The following STAB2 variants were observed in gnomAD, a reference collection of about 807,000 sequenced individuals.
STAB2 encodes stabilin 2, also known as stabilin-2.
Under a neutral mutation model 338.1 loss-of-function variants are expected in STAB2, and 288 were observed. The ratio of observed to expected loss-of-function variants is 0.85; its 90% CI spans 0.77 to 0.94. STAB2 has a LOEUF of 0.94. STAB2 is among the 40% of genes least tolerant of loss of function. The probability of loss-of-function intolerance (pLI) is 0.00; values close to 1 mark genes in which losing one functional copy is unlikely to be tolerated. For synonymous variants in STAB2, 1,202 were observed against 1,193.3 expected (o/e 1.01, Z -0.15); for missense variants, 3,141 against 3,210.1 (o/e 0.98, Z 0.52).
chr12:103,695,994 C>A, intron 33 of STAB2, 150 bp downstream of exon 33: 1 of 747,304 alleles, frequency 1.3e-6, no homozygotes, highest in Non-Finnish European at 2.2e-6. Flanking sequence ...CTCTCTCATA[C>A]ACAAACATCC....
At chr12:103,589,631 GGCCA>G in intron 1 of STAB2, among the ~76,000 whole-genome samples, 1 of 152,076 alleles carries the variant, frequency 6.6e-6, no homozygotes, top group East Asian at 1.9e-4. Flanking sequence ...TGCTCCACTG[GGCCA>G]GCCACAGGAA....
chr12:103,752,737 A>G (rs2139192995), intron 60 of STAB2, among the ~76,000 whole-genome samples: 1 of 152,322 alleles, frequency 6.6e-6, no homozygotes, highest in South Asian at 2.1e-4. Flanking sequence ...AAATTTTATA[A>G]TTTTGGGATA....
chr12:103,704,551 T>C lies in STAB2; in HGVS notation c.3844-7T>C, dbSNP rs779518318. The C allele has an allele frequency of 1.2e-6, 2 of 1,612,688 alleles. No individual in the cohort carries two copies. Among genetic ancestry groups the C allele is most frequent in the Non-Finnish European group, 1.7e-6 (2 of 1,179,560 alleles). The stretch of plus-strand genomic sequence containing the variant: ...AATTACATTGATTGCTTTTGTGTTT[T>C]ACCAAGGGAAGATGTAGGACATGCT... On this transcript the variant is annotated splice_region_variant and splice_polypyrimidine_tract_variant and intron_variant, in intron 35 of 68. Transcript: ENST00000388887.
At chr12:103,644,708 T>C (rs547187860) in intron 9 of STAB2, among the ~76,000 whole-genome samples, 99 of 152,214 alleles carry the variant, frequency 6.5e-4, no homozygotes, top group African/African-American at 2.3e-3. Context: ...ACAAAAAATA[T>C]AAACAGATAG....
At chr12:103,668,926 C>A in intron 20 of STAB2, 197 bp downstream of exon 20, 6 of 560,740 alleles carry the variant, frequency 1.1e-5, no homozygotes, top group Non-Finnish European at 1.9e-5. Context: ...CCCATGGTTC[C>A]CTACCCTCTT....
At chr12:103,761,212 G>A (rs1337959854) in intron 65 of STAB2, 88 bp from the exon 66 acceptor site, 25 of 1,230,232 alleles carry the variant, frequency 2.0e-5, no homozygotes, top group Non-Finnish European at 2.8e-5. Context: ...ATGGGCTCAG[G>A]GGCCTTGGGA....
Position 103,594,510 on chromosome 12 carries a change from G to T in STAB2, c.331G>T (p.Glu111Ter), listed in dbSNP as rs756952527. The T allele has an allele frequency of 6.2e-7, 1 of 1,610,370 alleles. No homozygotes were observed. Among genetic ancestry groups the T allele is most frequent in the Non-Finnish European group, 8.5e-7 (1 of 1,176,754 alleles). Residue 111 changes from glutamate to a stop codon, truncating the protein, a stop_gained and splice_region_variant, in exon 3 of 69, where the codon GAG becomes TAG. Coordinates refer to ENST00000388887, the MANE Select transcript of STAB2 (RefSeq NM_017564.10). LOFTEE classifies it high-confidence loss of function. ...CPGRWGPDCI[E>*]CPGGAGSPCN... ...TGGCCGCTGGGGCCCAGACTGTATA[G>T]GTAAGTGGCACAATGCTTGGACTTT... is the stretch of plus-strand genomic sequence containing the variant.
chr12:103,736,244 C>G (rs1190461497), intron 52 of STAB2, among the ~76,000 whole-genome samples: 1 of 152,124 alleles, frequency 6.6e-6, no homozygotes, highest in Non-Finnish European at 1.5e-5. Flanking sequence ...ACGGTTCAAG[C>G]CTCTAAGGTC....
At chr12:103,621,998 G>T (rs1047768984) in intron 4 of STAB2, 44 bp from the exon 5 acceptor site, 2 of 1,600,592 alleles carry the variant, frequency 1.2e-6, no homozygotes, top group Non-Finnish European at 1.7e-6. Context: ...TTGGTACCAT[G>T]GGTCACCTTG....
intron 68 of STAB2, among the ~76,000 whole-genome samples, chr12:103,765,679 T>G (rs191367869): frequency 1.1e-3 from 166 of 152,104 alleles, no homozygotes; most frequent in African/African-American, 3.6e-3. Context: ...GCCTCCCGAG[T>G]AGCTGGGCCT....
At chr12:103,616,696 C>T (rs910105268) in intron 3 of STAB2, among the ~76,000 whole-genome samples, 6 of 152,226 alleles carry the variant, frequency 3.9e-5, no homozygotes, top group African/African-American at 1.2e-4. Context: ...GGGAGAGGTA[C>T]AGGGAACAAG....
rs191665566 is a variant in STAB2 at position 103,716,828 on chromosome 12, C to T, written c.4611+940C>T. ...TTGGTGCTTGGGACCTCCAAGGGTG[C>T]CCATCCAGTCCTAGGGGGCAGTAAA... On this transcript the variant is annotated intron_variant, in intron 43 of 68. Transcript: ENST00000388887. Among the ~76,000 whole-genome samples, 32 of 152,240 alleles carry T rather than the reference C, an allele frequency of 2.1e-4. No homozygotes were observed. In the East Asian group the frequency reaches 5.8e-3, roughly 28 times the overall value.
At chr12:103,590,060 G>A (rs1416618844) in intron 1 of STAB2, among the ~76,000 whole-genome samples, 2 of 152,066 alleles carry the variant, frequency 1.3e-5, no homozygotes, top group African/African-American at 2.4e-5. Context: ...TAAGCTTGAT[G>A]AGGAAATGAA....
chr12:103,601,635 T>C (rs1213853857), intron 3 of STAB2, among the ~76,000 whole-genome samples: 1 of 152,164 alleles, frequency 6.6e-6, no homozygotes, highest in Non-Finnish European at 1.5e-5. Context: ...AGCTCTGGCT[T>C]CTGGAATGTG....
intron 22 of STAB2, among the ~76,000 whole-genome samples, chr12:103,672,040 T>C (rs1021494813): frequency 1.3e-5 from 2 of 152,236 alleles, no homozygotes; most frequent in African/African-American, 2.4e-5. Context: ...TATAGTTTGC[T>C]GACAGGATTA....
intron 22 of STAB2, among the ~76,000 whole-genome samples, chr12:103,671,912 C>T (rs1021472169): frequency 6.6e-6 from 1 of 152,180 alleles, no homozygotes. Flanking sequence ...TCTAAGCTAA[C>T]AGCTCGTTGT....
At chr12:103,623,541 T>C (rs1565967750) in intron 5 of STAB2, among the ~76,000 whole-genome samples, 1 of 152,062 alleles carries the variant, frequency 6.6e-6, no homozygotes, top group Non-Finnish European at 1.5e-5. Flanking sequence ...TTTCTGGCTT[T>C]GAAGAAGGAA....
rs2138814954 is a variant in STAB2 at position 103,670,738 on chromosome 12, G to A, written c.2302G>A (p.Glu768Lys). 6.2e-7 allele frequency: 1 copy of A among 1,614,180 alleles called. No individual in the cohort carries two copies. Among genetic ancestry groups the A allele is most frequent in the East Asian group, 2.2e-5 (1 of 44,878 alleles). The change falls in exon 22 of 69, where the codon GAG becomes AAG. Residue 768 changes from glutamate to lysine, a missense_variant. Glu to Lys is a moderately conservative substitution (Grantham distance 56). Coordinates refer to ENST00000388887, the MANE Select transcript of STAB2 (RefSeq NM_017564.10). ...CGGCAACGGGACATGCATTTGTGAGGAGGGCTTCCAAGGCTCCCAGTGTCA... is the reference window on the plus strand; with the variant it reads ...CGGCAACGGGACATGCATTTGTGAGAAGGGCTTCCAAGGCTCCCAGTGTCA... ...LGGNGTCICE[E>K]GFQGSQCQFC...
At chr12:103,742,958 G>A (rs187272982) in intron 56 of STAB2, among the ~76,000 whole-genome samples, 1 of 152,034 alleles carries the variant, frequency 6.6e-6, no homozygotes, top group East Asian at 1.9e-4. Context: ...TCTGCAAGTA[G>A]CAGATGAAGA....
Sources: gnomAD v4.1 joint callset for allele counts (sites outside exome capture counted in the v4.1 genomes callset) on GRCh38, gnomAD v4.1.1 for gene constraint, MANE v1.5 for transcripts, NCBI Gene and HGNC (gene_info 2026-07-23, HGNC 2026-07-21) for gene names.